The following RBM6 variants were observed in gnomAD, a reference collection of about 807,000 sequenced individuals.
The protein encoded by RBM6 is RNA-binding protein 6.
A neutral mutation model predicts 140.4 loss-of-function variants in RBM6; 23 were observed. The observed-to-expected ratio is 0.16, with a 90% CI of 0.12 to 0.23. The LOEUF (loss-of-function observed/expected upper bound fraction) is 0.23. Ranked by LOEUF, RBM6 falls within the 10% of genes least tolerant of loss-of-function variation. RBM6 has a pLI of 1.00. For missense variants in RBM6, 1,139 were observed against 1,386.7 expected (o/e 0.82, Z 2.84); for synonymous variants, 439 against 475.6 (o/e 0.92, Z 1.00).
At chr3:49,978,850 A>T (rs187400926) in intron 5 of RBM6, among the ~76,000 whole-genome samples, 1 of 152,158 alleles carries the variant, frequency 6.6e-6, no homozygotes, top group African/African-American at 2.4e-5. Flanking sequence ...TGAATTTTTC[A>T]TTTGCCATTT....
intron 8 of RBM6, among the ~76,000 whole-genome samples, chr3:50,054,611 T>A (rs2089627188): frequency 6.6e-6 from 1 of 151,712 alleles, no homozygotes; most frequent in African/African-American, 2.4e-5. Context: ...GTTCAAGCGA[T>A]TCCCCTGCCC....
At position 49,989,175 on chromosome 3, in the gene RBM6, C is replaced by T. The variant is rs531790939; in HGVS notation, c.1484-10265C>T. On this transcript the variant is annotated intron_variant, in intron 5 of 20. Coordinates refer to ENST00000266022, the MANE Select transcript of RBM6 (RefSeq NM_005777.3). ...TGCACCAAACGAAACAACTTCCTGC[C>T]TTTGTTTGTCTGAAAGTCAAAGAAA... is the stretch of plus-strand genomic sequence containing the variant. 2.0e-5 allele frequency among the ~76,000 whole-genome samples: 3 copies of T among 152,240 alleles called. No homozygotes were observed. In the East Asian group the frequency reaches 5.8e-4, roughly 29 times the overall value.
intron 8 of RBM6, among the ~76,000 whole-genome samples, chr3:50,056,574 G>A (rs1422636317): frequency 1.3e-5 from 2 of 152,188 alleles, no homozygotes; most frequent in Admixed American, 6.6e-5. Flanking sequence ...GATTACAGGC[G>A]TGAGCCACCG....
intron 18 of RBM6, among the ~76,000 whole-genome samples, 196 bp downstream of exon 18, chr3:50,068,960 AT>A (rs1300227753): frequency 3.1e-4 from 47 of 152,246 alleles, no homozygotes; most frequent in Non-Finnish European, 2.4e-4. Context: ...TTATACTTCA[AT>A]GAAGTTGATA....
At chr3:49,943,658 T>G (rs1316719968) in intron 1 of RBM6, among the ~76,000 whole-genome samples, 1 of 152,158 alleles carries the variant, frequency 6.6e-6, no homozygotes, top group Non-Finnish European at 1.5e-5. Context: ...CTCCCTATGT[T>G]GCCTATGCTG....
At chr3:49,982,308 G>A (rs931527450) in intron 5 of RBM6, among the ~76,000 whole-genome samples, 1 of 73,648 alleles carries the variant, frequency 1.4e-5, no homozygotes, top group Non-Finnish European at 2.6e-5. Flanking sequence ...ACAAGGTCTT[G>A]CTTTGTTGCC....
In RBM6 at chr3:49,968,255, G is replaced by A; in HGVS notation, c.830G>A (p.Cys277Tyr). The change falls in exon 3 of 21, where the codon TGT becomes TAT. Residue 277 changes from cysteine to tyrosine, a missense_variant. Cys to Tyr is a radical substitution (Grantham distance 194). Around this residue, in one of 9 missense-constraint regions of RBM6, gnomAD observed 566 missense variants for 612.7 expected, o/e 0.92. Transcript: ENST00000266022. Reference protein sequence around the residue: ...QDFRGREMGSCMEFKDREMPP... With the variant: ...QDFRGREMGSYMEFKDREMPP... ...TTTAGGGGCAGAGAGATGGGATCTT[G>A]TATGGAATTTAAAGATAGGGAGATG... The A allele has an allele frequency of 1.2e-6, 2 of 1,614,096 alleles. No individual in the cohort carries two copies. The highest frequency in any genetic ancestry group is 1.7e-6 in the Non-Finnish European group (2 of 1,180,014).
chr3:49,967,879 C>T lies in RBM6; in HGVS notation c.454C>T (p.His152Tyr), dbSNP rs1308170268. ...GGATTATAGAGGTAGGGAGGCACCTCATATGAACTACAGAGACAGGGATGC... is the reference window on the plus strand; with the variant it reads ...GGATTATAGAGGTAGGGAGGCACCTTATATGAACTACAGAGACAGGGATGC... ...SMDYRGREAPHMNYRDRDAHA... is the reference protein window; with the variant it reads ...SMDYRGREAPYMNYRDRDAHA... The change falls in exon 3 of 21, where the codon CAT (histidine) becomes TAT (tyrosine). Residue 152 changes from histidine (H) to tyrosine (Y), a missense_variant. His to Tyr is a moderately conservative substitution (Grantham distance 83). Coordinates refer to ENST00000266022, the MANE Select transcript of RBM6 (RefSeq NM_005777.3). This position sits in a 1 kb window ranked among gnomAD's most constrained non-coding sequence, Gnocchi z 4.0. 2 of 1,614,090 alleles carry T rather than the reference C, an allele frequency of 1.2e-6. No individual in the cohort carries two copies. The highest frequency in any genetic ancestry group is 1.1e-5 in the South Asian group (1 of 91,078).
intron 6 of RBM6, among the ~76,000 whole-genome samples, chr3:50,006,222 G>A (rs1234552464): frequency 2.0e-5 from 3 of 147,896 alleles, no homozygotes; most frequent in Non-Finnish European, 4.4e-5. Context: ...TGCAACCTCC[G>A]CCTCCTGGGT....
Position 49,967,315 on chromosome 3 carries a change from CTT to C in RBM6, c.45-153_45-152del. ...GCCACTTCGTCTTAAAATAGCAAAA[CTT>C]TGCTGTTTTCTGCAGATCTAGGACC... On this transcript the variant is annotated intron_variant, in intron 2 of 20. Coordinates refer to ENST00000266022, the MANE Select transcript of RBM6 (RefSeq NM_005777.3). The surrounding 1 kb of genome is among the most constrained non-coding windows in gnomAD (Gnocchi z 4.0). 7.1e-7 allele frequency: 1 copy of C among 1,415,952 alleles called. No individual in the cohort carries two copies. Among genetic ancestry groups the C allele is most frequent in the Non-Finnish European group, 9.2e-7 (1 of 1,086,110 alleles). 87.7% of individuals were successfully genotyped at this position (1,415,952 alleles called of 1,614,324 possible).
At chr3:49,941,351 C>G (rs1297873189) in intron 1 of RBM6, among the ~76,000 whole-genome samples, 1 of 152,066 alleles carries the variant, frequency 6.6e-6, no homozygotes, top group Non-Finnish European at 1.5e-5. Context: ...AGTTGTAGCA[C>G]CTTTCCTTAT....
chr3:49,979,276 G>A (rs942323604), intron 5 of RBM6, among the ~76,000 whole-genome samples: 4 of 152,140 alleles, frequency 2.6e-5, no homozygotes, highest in African/African-American at 7.2e-5. Flanking sequence ...AAGCGGGAAT[G>A]GGGAACGACT....
chr3:50,065,652 A>G (rs2090098699), intron 16 of RBM6: 2 of 456,748 alleles, frequency 4.4e-6, no homozygotes, highest in African/African-American at 4.0e-5. Flanking sequence ...AATAGTGACC[A>G]TGCATTATTT....
At chr3:50,003,456 C>T (rs917657728) in intron 6 of RBM6, among the ~76,000 whole-genome samples, 1 of 152,082 alleles carries the variant, frequency 6.6e-6, no homozygotes, top group African/African-American at 2.4e-5. Context: ...GAGAAGGTTA[C>T]TCCGAAGTAC....
intron 5 of RBM6, among the ~76,000 whole-genome samples, chr3:49,990,225 A>G (rs1159843693): frequency 6.6e-6 from 1 of 152,200 alleles, no homozygotes; most frequent in East Asian, 1.9e-4. Flanking sequence ...TATTTACACA[A>G]ACTAGATGTT....
intron 5 of RBM6, among the ~76,000 whole-genome samples, chr3:49,976,914 G>A (rs546226087): frequency 6.6e-6 from 1 of 152,270 alleles, no homozygotes; most frequent in Admixed American, 6.5e-5. Flanking sequence ...ATACCTTTCA[G>A]CAAATACAAT....
chr3:49,967,425 C>CGGTGGTCGCCGTATCATTAAA lies in RBM6; in HGVS notation c.45-45_45-44insGGTGGTCGCCGTATCATTAAA, dbSNP rs1365060708. The CGGTGGTCGCCGTATCATTAAA allele has an allele frequency of 6.4e-7, 1 of 1,568,950 alleles. No individual in the cohort carries two copies. The highest frequency in any genetic ancestry group is 8.6e-7 in the Non-Finnish European group (1 of 1,157,516). ...GAAGAATATGCTGGTGTGTAGATTT[C>CGGTGGTCGCCGTATCATTAAA]AAACTCTCTGGACAATATGAATAAC... On this transcript the variant is annotated intron_variant, in intron 2 of 20. Coordinates refer to ENST00000266022, the MANE Select transcript of RBM6 (RefSeq NM_005777.3). The surrounding 1 kb of genome is among the most constrained non-coding windows in gnomAD (Gnocchi z 4.0).
intron 1 of RBM6, among the ~76,000 whole-genome samples, chr3:49,941,559 G>C (rs2083278593): frequency 7.0e-6 from 1 of 143,776 alleles, no homozygotes; most frequent in South Asian, 2.4e-4. Context: ...AGAATCGCTT[G>C]AACCTGGGAG....
chr3:49,969,489 G>T (rs996661656), intron 3 of RBM6, among the ~76,000 whole-genome samples: 2 of 145,850 alleles, frequency 1.4e-5, no homozygotes, highest in Admixed American at 6.9e-5. Flanking sequence ...GAATATATAT[G>T]TATATATATG....
Sources: allele counts gnomAD v4.1 joint callset (sites outside exome capture counted in the v4.1 genomes callset), GRCh38; gene constraint gnomAD v4.1.1; regional missense constraint gnomAD v4.1.1; non-coding constraint Gnocchi (gnomAD v3.1); transcripts MANE v1.5; gene names NCBI Gene and HGNC (gene_info 2026-07-23, HGNC 2026-07-21).